The following NRXN1 variants were observed in gnomAD, a reference collection of about 807,000 sequenced individuals.
NRXN1 encodes the protein neurexin 1, also known as neurexin-1.
NRXN1 carries 39 observed loss-of-function variants against 150.9 expected under a neutral mutation model. That is an observed-to-expected ratio of 0.26 (90% CI 0.20 to 0.34). The LOEUF is 0.34. Ranked by LOEUF, NRXN1 falls within the 10% of genes least tolerant of loss-of-function variation. The probability of loss-of-function intolerance (pLI) is 1.00; values close to 1 mark genes in which losing one functional copy is unlikely to be tolerated. For synonymous variants in NRXN1, 924 were observed against 757.0 expected (o/e 1.22, Z -3.62); for missense variants, 1,815 against 1,949.9 (o/e 0.93, Z 1.30).
At chr2:50,104,216 T>C (rs72878115) in intron 18 of NRXN1, among the ~76,000 whole-genome samples, 37,501 of 151,922 alleles carry the variant, frequency 0.25, 4,859 homozygotes, top group Middle Eastern at 0.34. Flanking sequence ...AGAGACATAC[T>C]GGGAGGCCAT....
At chr2:50,296,281 T>A (rs1287528693) in intron 17 of NRXN1, among the ~76,000 whole-genome samples, 1 of 152,214 alleles carries the variant, frequency 6.6e-6, no homozygotes, top group East Asian at 1.9e-4. Flanking sequence ...CCTGAAAGGA[T>A]AAGTGAGAGA....
In NRXN1 at chr2:51,029,030, C is replaced by A. The variant is rs879342566; in HGVS notation, c.-757G>T. 6.6e-6 allele frequency: 1 copy of A among 152,248 alleles called. No individual in the cohort carries two copies. The highest frequency in any genetic ancestry group is 2.4e-5 in the African/African-American group (1 of 41,454). 9.4% of individuals were successfully genotyped at this position (152,248 alleles called of 1,614,324 possible). A position where few individuals can be genotyped will look rare whatever the true frequency, so the allele number is the denominator to read the frequency against. ...CCACGGCAACAGTAGGACTCAAACC[C>A]AGCAGTTGCGAAATAGCCAGAAGCT... is the stretch of plus-strand genomic sequence containing the variant. On this transcript the variant is annotated 5_prime_UTR_variant, in exon 2 of 23. Transcript: ENST00000401669.
chr2:50,113,415 A>G (rs1167417902), intron 18 of NRXN1, among the ~76,000 whole-genome samples: 2 of 152,220 alleles, frequency 1.3e-5, no homozygotes, highest in African/African-American at 4.8e-5. Context: ...TAGACACTGA[A>G]AAATACTTTT....
chr2:49,987,208 G>C (rs1022875797), intron 21 of NRXN1, among the ~76,000 whole-genome samples: 1 of 151,624 alleles, frequency 6.6e-6, no homozygotes, highest in African/African-American at 2.4e-5. Flanking sequence ...CTACAATTCT[G>C]CTCTCTATTT....
At chr2:50,799,105 T>C (rs1421032898) in intron 5 of NRXN1, among the ~76,000 whole-genome samples, 1 of 152,232 alleles carries the variant, frequency 6.6e-6, no homozygotes, top group East Asian at 1.9e-4. Flanking sequence ...CTCAGTATCC[T>C]CTTTCTTGTT....
chr2:50,787,580 AAACAACAACAAC>A (rs141444424), intron 5 of NRXN1, among the ~76,000 whole-genome samples: 11,654 of 151,588 alleles, frequency 0.077, 593 homozygotes, highest in Non-Finnish European at 0.1. Flanking sequence ...AAACAAAACA[AAACAACAACAAC>A]AACAACAACA....
At chr2:50,444,076 C>T (rs2086193521) in intron 17 of NRXN1, among the ~76,000 whole-genome samples, 1 of 152,132 alleles carries the variant, frequency 6.6e-6, no homozygotes, top group Non-Finnish European at 1.5e-5. Context: ...TCCTCCTTCA[C>T]TGCTTTTGTG....
rs552991149 is a variant in NRXN1 at position 50,038,278 on chromosome 2, T to A, written c.4128+14993A>T. Reference sequence around the variant, plus strand: ...CTGCCCCTATGTAATGTCCTTCGCTTGCATGTGGGCTAGACTTACAGCAGC... The same window carrying A: ...CTGCCCCTATGTAATGTCCTTCGCTAGCATGTGGGCTAGACTTACAGCAGC... On this transcript the variant is annotated intron_variant, in intron 21 of 22. Coordinates refer to ENST00000401669, the MANE Select transcript of NRXN1 (RefSeq NM_001330078.2). 1.2e-4 allele frequency among the ~76,000 whole-genome samples: 19 copies of A among 152,292 alleles called. No homozygotes were observed. In the South Asian group the frequency reaches 3.9e-3, roughly 32 times the overall value.
chr2:50,656,473 GT>G, intron 5 of NRXN1: 1 of 726,562 alleles, frequency 1.4e-6, no homozygotes, highest in Non-Finnish European at 2.6e-6. Flanking sequence ...TTTTTGCTCT[GT>G]TTAAACATTC....
chr2:50,237,198 T>G (rs2065531910), intron 17 of NRXN1, among the ~76,000 whole-genome samples: 1 of 152,086 alleles, frequency 6.6e-6, no homozygotes, highest in South Asian at 2.1e-4. Context: ...CCAGTAGGTG[T>G]TTCAGAACAA....
chr2:50,033,562 A>G (rs1358304704), intron 21 of NRXN1, among the ~76,000 whole-genome samples: 1 of 152,026 alleles, frequency 6.6e-6, no homozygotes, highest in Non-Finnish European at 1.5e-5. Flanking sequence ...TCGACATAGG[A>G]ACAGGCAAAG....
At chr2:50,325,494 G>C (rs1020914836) in intron 17 of NRXN1, among the ~76,000 whole-genome samples, 47 of 152,184 alleles carry the variant, frequency 3.1e-4, no homozygotes, top group Non-Finnish European at 2.1e-4. Context: ...CTGGAATATC[G>C]TAAGATGGTA....
At chr2:50,768,411 C>T (rs137921227) in intron 5 of NRXN1, among the ~76,000 whole-genome samples, 50 of 151,948 alleles carry the variant, frequency 3.3e-4, no homozygotes, top group African/African-American at 1.1e-3. Context: ...TGAGCTCTAG[C>T]CATCTTTAAA....
chr2:49,992,735 CA>C (rs1402987330), intron 21 of NRXN1, among the ~76,000 whole-genome samples: 1 of 151,860 alleles, frequency 6.6e-6, no homozygotes, highest in Non-Finnish European at 1.5e-5. Context: ...AATGATAAAA[CA>C]AAAAAAGGGC....
chr2:50,902,711 G>A (rs1002258511), intron 5 of NRXN1, among the ~76,000 whole-genome samples: 1 of 152,086 alleles, frequency 6.6e-6, no homozygotes, highest in African/African-American at 2.4e-5. Flanking sequence ...ATCAGGTTCT[G>A]ACTTGCTATT....
chr2:50,154,473 T>C (rs1044470103), intron 18 of NRXN1, among the ~76,000 whole-genome samples: 19 of 151,714 alleles, frequency 1.3e-4, no homozygotes, highest in African/African-American at 4.3e-4. Flanking sequence ...ATGAGATAAA[T>C]AGAAAACCTT....
At chr2:50,638,166 A>T (rs1683509299) in intron 5 of NRXN1, among the ~76,000 whole-genome samples, 1 of 152,160 alleles carries the variant, frequency 6.6e-6, no homozygotes, top group African/African-American at 2.4e-5. Context: ...AACAGAGATG[A>T]TCATCAGAAT....
At chr2:50,272,291 C>T (rs893311797) in intron 17 of NRXN1, among the ~76,000 whole-genome samples, 6 of 152,126 alleles carry the variant, frequency 3.9e-5, no homozygotes, top group African/African-American at 1.4e-4. Flanking sequence ...ATAGACCTAC[C>T]ATCTGCAAGT....
chr2:50,881,225 A>G (rs994752170), intron 5 of NRXN1, among the ~76,000 whole-genome samples: 2 of 151,946 alleles, frequency 1.3e-5, no homozygotes, highest in Non-Finnish European at 2.9e-5. Context: ...CTCATCTTAA[A>G]TATTTCCTGT....
Sources: allele counts gnomAD v4.1 joint callset (sites outside exome capture counted in the v4.1 genomes callset), GRCh38; gene constraint gnomAD v4.1.1; transcripts MANE v1.5; gene names NCBI Gene and HGNC (gene_info 2026-07-23, HGNC 2026-07-21).